TLN2: variants seen among roughly 807,000 people sequenced by gnomAD.
TLN2 encodes talin 2.
Under a neutral mutation model 294.7 loss-of-function variants are expected in TLN2, and 118 were observed. The observed-to-expected ratio is 0.40, with a 90% CI of 0.34 to 0.47. The LOEUF (loss-of-function observed/expected upper bound fraction) is 0.47, where lower values mean the gene tolerates loss of function less well. Among genes scored for constraint, TLN2 ranks in the 20% least tolerant of loss-of-function variants. TLN2 has a pLI of 0.84. For synonymous variants in TLN2, 1,431 were observed against 1,304.5 expected, an observed-to-expected ratio of 1.10 and a Z score of -2.09; for missense variants, 3,083 against 3,282.2, an observed-to-expected ratio of 0.94 and a Z score of 1.48.
At chr15:62,810,928 A>C (rs1194484516) in intron 52 of TLN2, among the ~76,000 whole-genome samples, 1 of 152,188 alleles carries the variant, frequency 6.6e-6, no homozygotes, top group Admixed American at 6.5e-5. Context: ...GAGGAGTGCC[A>C]AGCCCTTCAT....
intron 1 of TLN2, among the ~76,000 whole-genome samples, chr15:62,579,526 T>C (rs1331995405): frequency 3.3e-5 from 5 of 152,218 alleles, no homozygotes; most frequent in African/African-American, 1.2e-4. Flanking sequence ...CTGAGAAGAC[T>C]CACAGTACAC....
chr15:62,772,329 A>T (rs2141052445), intron 42 of TLN2, among the ~76,000 whole-genome samples: 1 of 152,296 alleles, frequency 6.6e-6, no homozygotes, highest in Middle Eastern at 3.4e-3. Flanking sequence ...CATTCTGGGG[A>T]TGCTGAAATA....
chr15:62,455,771 C>T (rs888202302), intron 1 of TLN2, among the ~76,000 whole-genome samples: 12 of 152,188 alleles, frequency 7.9e-5, no homozygotes, highest in Admixed American at 6.5e-4. Flanking sequence ...TTGATGGGCC[C>T]TTTTCCAGTC....
intron 54 of TLN2, chr15:62,831,961 A>C (rs2068894005): frequency 6.6e-6 from 1 of 152,268 alleles, no homozygotes; most frequent in African/African-American, 2.4e-5. Flanking sequence ...TGGCTAGTTA[A>C]AGTGCCTCAT....
chr15:62,837,738 T>C (rs1421455406), intron 57 of TLN2, among the ~76,000 whole-genome samples: 1 of 152,196 alleles, frequency 6.6e-6, no homozygotes. Context: ...ATTTCTGACC[T>C]CATAAACCCT....
At chr15:62,526,024 A>C (rs1404227362) in intron 1 of TLN2, among the ~76,000 whole-genome samples, 1 of 152,204 alleles carries the variant, frequency 6.6e-6, no homozygotes, top group Non-Finnish European at 1.5e-5. Context: ...GGCTTGGAGT[A>C]GGCAATGATG....
At chr15:62,648,113 A>G (rs2052114541) in intron 4 of TLN2, among the ~76,000 whole-genome samples, 1 of 152,096 alleles carries the variant, frequency 6.6e-6, no homozygotes, top group Admixed American at 6.5e-5. Flanking sequence ...AGTCGGATGA[A>G]ACTTATCTTA....
At chr15:62,691,205 C>A (rs2057879196) in intron 12 of TLN2, among the ~76,000 whole-genome samples, 1 of 152,180 alleles carries the variant, frequency 6.6e-6, no homozygotes, top group African/African-American at 2.4e-5. Context: ...CAACACTGTC[C>A]TCTCCTGTTA....
chr15:62,725,126 G>T, intron 27 of TLN2, 22 bp downstream of exon 27: 1 of 1,597,054 alleles, frequency 6.3e-7, no homozygotes, highest in Non-Finnish European at 8.5e-7. Context: ...GAGCCAGCTG[G>T]GGTGCGGGTG....
chr15:62,696,643 G>A (rs746035367), intron 14 of TLN2, among the ~76,000 whole-genome samples: 2 of 152,160 alleles, frequency 1.3e-5, no homozygotes, highest in Non-Finnish European at 2.9e-5. Context: ...AGGAGGCAGA[G>A]GTTGCAGTGA....
intron 1 of TLN2, among the ~76,000 whole-genome samples, chr15:62,545,663 C>CAATT (rs1368002212): frequency 1.3e-5 from 2 of 152,032 alleles, no homozygotes; most frequent in Non-Finnish European, 2.9e-5. Context: ...CAATAGTGAA[C>CAATT]AATTGTTCCC....
chr15:62,772,027 G>T (rs1319890800), intron 42 of TLN2, among the ~76,000 whole-genome samples: 2 of 151,988 alleles, frequency 1.3e-5, no homozygotes, highest in African/African-American at 2.4e-5. Context: ...TCGTGGCCTC[G>T]TGCCTTCTTC....
chr15:62,744,217 G>A lies in TLN2; in HGVS notation c.4025+3448G>A, dbSNP rs148850013. On this transcript the variant is annotated intron_variant, in intron 32 of 58. Coordinates refer to ENST00000636159, the MANE Select transcript of TLN2 (RefSeq NM_015059.3). The stretch of plus-strand genomic sequence containing the variant: ...CTTTCATTTTCTTCCGGCTCCCTGC[G>A]AGTCCCTACATACCTCTGGTCCCTT... Among the ~76,000 whole-genome samples the A allele has an allele frequency of 5.3e-5, 8 of 152,044 alleles. No individual in the cohort carries two copies. In the East Asian group the frequency reaches 9.7e-4, roughly 19 times the overall value.
chr15:62,719,976 G>C (rs55897716), intron 25 of TLN2, 96 bp downstream of exon 25: 96,763 of 917,392 alleles, frequency 0.11, 5,856 homozygotes, highest in East Asian at 0.23. Context: ...CACAGCCTCA[G>C]CTAAGTCTTT....
At chr15:62,783,628 C>A in intron 44 of TLN2, 143 bp from the exon 45 acceptor site, 1 of 1,431,262 alleles carries the variant, frequency 7.0e-7, no homozygotes, top group Non-Finnish European at 9.2e-7. Flanking sequence ...GCCCCAAATG[C>A]AAGGCCTGGC....
intron 1 of TLN2, among the ~76,000 whole-genome samples, chr15:62,520,340 T>C (rs1379518527): frequency 6.6e-6 from 1 of 152,270 alleles, no homozygotes; most frequent in Non-Finnish European, 1.5e-5. Context: ...TTGTCACTTC[T>C]GATGGAAAAT....
chr15:62,539,589 T>C (rs2041555671), intron 1 of TLN2, among the ~76,000 whole-genome samples: 1 of 152,114 alleles, frequency 6.6e-6, no homozygotes, highest in Non-Finnish European at 1.5e-5. Context: ...GTCTACCAAA[T>C]ACCTGAGCAC....
intron 45 of TLN2, among the ~76,000 whole-genome samples, chr15:62,786,206 ATT>A (rs376418945): frequency 2.0e-5 from 3 of 152,214 alleles, no homozygotes; most frequent in African/African-American, 7.2e-5. Flanking sequence ...TCGTGGAATT[ATT>A]TGTTTACCCA....
chr15:62,466,023 G>A (rs1423130110), intron 1 of TLN2, among the ~76,000 whole-genome samples: 1 of 152,196 alleles, frequency 6.6e-6, no homozygotes, highest in East Asian at 1.9e-4. Context: ...GTTGCTTTTA[G>A]CATTGCTCCC....
Sources: gnomAD v4.1 joint callset for allele counts (sites outside exome capture counted in the v4.1 genomes callset) on GRCh38, gnomAD v4.1.1 for gene constraint, MANE v1.5 for transcripts, NCBI Gene and HGNC (gene_info 2026-07-23, HGNC 2026-07-21) for gene names.